Variants in DPP10 observed in about 807,000 individuals in gnomAD.
The protein encoded by DPP10 is dipeptidyl peptidase like 10.
A neutral mutation model predicts 120.9 loss-of-function variants in DPP10; 33 were observed. The observed-to-expected ratio is 0.27, with a 90% confidence interval of 0.21 to 0.37. The LOEUF is 0.37. Among genes scored for constraint, DPP10 ranks in the 10% least tolerant of loss-of-function variants. The pLI is 1.00. For synonymous variants in DPP10, 337 were observed against 326.1 expected (o/e 1.03, Z -0.36); for missense variants, 816 against 942.8 (o/e 0.87, Z 1.76).
chr2:115,234,639 G>C (rs2057906198), intron 1 of DPP10: 1 of 152,168 alleles, frequency 6.6e-6, no homozygotes, highest in Non-Finnish European at 1.5e-5. Flanking sequence ...TGGATTCGCA[G>C]GTAGCTGTGT....
intron 10 of DPP10, among the ~76,000 whole-genome samples, chr2:115,751,901 T>A (rs1678776249): frequency 6.6e-6 from 1 of 150,948 alleles, no homozygotes; most frequent in Non-Finnish European, 1.5e-5. Context: ...CAGGTTCAAG[T>A]GATTCTCCAG....
At chr2:114,736,294 A>G (rs1199191656) in intron 1 of DPP10, among the ~76,000 whole-genome samples, 1 of 151,998 alleles carries the variant, frequency 6.6e-6, no homozygotes, top group African/African-American at 2.4e-5. Context: ...ACATCTACCT[A>G]CATTCGAGTT....
chr2:115,245,702 T>C (rs1349170292), intron 1 of DPP10, among the ~76,000 whole-genome samples: 1 of 152,190 alleles, frequency 6.6e-6, no homozygotes, highest in African/African-American at 2.4e-5. Flanking sequence ...CCATTGCTTT[T>C]AGATTTTACT....
At chr2:115,522,920 A>G (rs1386571352) in intron 4 of DPP10, among the ~76,000 whole-genome samples, 1 of 152,182 alleles carries the variant, frequency 6.6e-6, no homozygotes, top group East Asian at 1.9e-4. Flanking sequence ...GTTGACCAAG[A>G]TGTCTCCTGT....
At chr2:114,980,621 A>G (rs1700020623) in intron 1 of DPP10, among the ~76,000 whole-genome samples, 1 of 148,912 alleles carries the variant, frequency 6.7e-6, no homozygotes, top group Admixed American at 6.8e-5. Context: ...AGAAGGAACA[A>G]AAAGAATCTA....
chr2:115,089,225 ATTTC>A (rs1709039516), intron 1 of DPP10, among the ~76,000 whole-genome samples: 1 of 151,912 alleles, frequency 6.6e-6, no homozygotes, highest in African/African-American at 2.4e-5. Context: ...CGCATTGATC[ATTTC>A]TTTCTAATAT....
intron 1 of DPP10, among the ~76,000 whole-genome samples, chr2:115,154,082 A>T (rs758523831): frequency 1.3e-5 from 2 of 152,138 alleles, no homozygotes; most frequent in African/African-American, 2.4e-5. Flanking sequence ...AGAAATTTCT[A>T]TTGACTTTAT....
At chr2:114,604,155 C>T (rs1207703635) in intron 1 of DPP10, among the ~76,000 whole-genome samples, 1 of 152,010 alleles carries the variant, frequency 6.6e-6, no homozygotes, top group African/African-American at 2.4e-5. Flanking sequence ...TAGGCAACTT[C>T]TCCATGTACC....
intron 1 of DPP10, among the ~76,000 whole-genome samples, chr2:114,941,137 C>A (rs1696866570): frequency 6.6e-6 from 1 of 152,118 alleles, no homozygotes; most frequent in African/African-American, 2.4e-5. Context: ...AGAATTTGTT[C>A]TTTTTTCTTA....
intron 3 of DPP10, among the ~76,000 whole-genome samples, chr2:115,352,493 A>G (rs1185569508): frequency 2.0e-5 from 3 of 152,180 alleles, no homozygotes; most frequent in Admixed American, 1.3e-4. Context: ...GTCAATACAA[A>G]TATAGAATAA....
At chr2:114,686,335 A>G (rs1699364622) in intron 1 of DPP10, among the ~76,000 whole-genome samples, 1 of 151,930 alleles carries the variant, frequency 6.6e-6, no homozygotes, top group African/African-American at 2.4e-5. Flanking sequence ...AAAGTTATCT[A>G]TTGGTTTGAC....
chr2:115,544,860 T>C (rs1296190259), intron 5 of DPP10, among the ~76,000 whole-genome samples: 1 of 152,210 alleles, frequency 6.6e-6, no homozygotes, highest in Non-Finnish European at 1.5e-5. Flanking sequence ...TGTTTCCTTT[T>C]GCTTTATTTT....
chr2:115,591,762 C>T (rs1020853867), intron 5 of DPP10, among the ~76,000 whole-genome samples: 14 of 152,248 alleles, frequency 9.2e-5, no homozygotes, highest in Admixed American at 3.3e-4. Context: ...GCCATTTTCA[C>T]GATATTAATT....
rs758504381 is a variant in DPP10 at position 115,762,726 on chromosome 2, A to C, written c.1113+116A>C. 4.2e-6 allele frequency: 5 copies of C among 1,176,996 alleles called. No homozygotes were observed. In the African/African-American group the frequency reaches 7.7e-5, roughly 18 times the overall value. The allele number at this position is 1,176,996 out of a possible 1,614,324, so 72.9% of individuals were successfully genotyped here. On this transcript the variant is annotated intron_variant, in intron 12 of 25. Transcript: ENST00000410059. ...TTTAAGGCTTTGCTAGGTTTGACAG[A>C]GTGATCCTTTTTCATTAAAAGGATC...
At chr2:114,884,469 C>T (rs1353573221) in intron 1 of DPP10, among the ~76,000 whole-genome samples, 6 of 152,174 alleles carry the variant, frequency 3.9e-5, no homozygotes, top group Non-Finnish European at 7.3e-5. Context: ...CAGGCCACTT[C>T]CTCCATCTTC....
chr2:114,935,380 T>C (rs1696386458), intron 1 of DPP10, among the ~76,000 whole-genome samples: 1 of 152,158 alleles, frequency 6.6e-6, no homozygotes, highest in Admixed American at 6.6e-5. Context: ...CTCTTTCTAA[T>C]TTTCTGTAGG....
intron 1 of DPP10, among the ~76,000 whole-genome samples, chr2:115,126,948 T>C (rs1284628979): frequency 6.6e-6 from 1 of 152,236 alleles, no homozygotes; most frequent in African/African-American, 2.4e-5. Context: ...TAGCATATTT[T>C]TTTGAAATTC....
intron 5 of DPP10, among the ~76,000 whole-genome samples, chr2:115,656,133 A>AACACACACAC (rs146572509): frequency 3.1e-4 from 45 of 143,322 alleles, no homozygotes; most frequent in African/African-American, 9.2e-4. Context: ...GTTCTTACCA[A>AACACACACAC]ACACACACAC....
chr2:114,881,171 C>A (rs2106598804), intron 1 of DPP10, among the ~76,000 whole-genome samples: 1 of 152,108 alleles, frequency 6.6e-6, no homozygotes, highest in South Asian at 2.1e-4. Flanking sequence ...CCAGAAGTGC[C>A]AATGTAGAGG....
Sources: gnomAD v4.1 joint callset for allele counts (sites outside exome capture counted in the v4.1 genomes callset) on GRCh38, gnomAD v4.1.1 for gene constraint, MANE v1.5 for transcripts, NCBI Gene and HGNC (gene_info 2026-07-23, HGNC 2026-07-21) for gene names.